AFM: variants seen among roughly 807,000 people sequenced by gnomAD.
AFM encodes alpha-Alb.
AFM carries 82 observed loss-of-function variants against 68.7 expected under a neutral mutation model. The ratio of observed to expected loss-of-function variants is 1.19; its 90% CI spans 1.00 to 1.43. The LOEUF (loss-of-function observed/expected upper bound fraction) is 1.43. Among genes scored for constraint, AFM ranks in the 40% most tolerant of loss-of-function variants. The pLI, the probability that AFM is intolerant of heterozygous loss-of-function variation, is 0.00. For missense variants in AFM, 772 were observed against 701.8 expected (o/e 1.10, Z -1.13); for synonymous variants, 250 against 234.2 (o/e 1.07, Z -0.61).
At chr4:73,502,447 A>G (rs1480530723) in intron 13 of AFM, among the ~76,000 whole-genome samples, 1 of 152,076 alleles carries the variant, frequency 6.6e-6, no homozygotes, top group Non-Finnish European at 1.5e-5. Context: ...AGTCAGGGAG[A>G]AAAGGGAGAA....
At chr4:73,498,393 C>G (rs1234012419) in intron 10 of AFM, among the ~76,000 whole-genome samples, 1 of 152,138 alleles carries the variant, frequency 6.6e-6, no homozygotes, top group Non-Finnish European at 1.5e-5. Flanking sequence ...TCCAGTGATC[C>G]TCCCACGTCA....
intron 5 of AFM, 135 bp downstream of exon 5, chr4:73,487,234 C>A: frequency 1.1e-6 from 1 of 929,398 alleles, no homozygotes; most frequent in Non-Finnish European, 1.6e-6. Flanking sequence ...GATTTTCAAA[C>A]CATTGGTCAC....
chr4:73,496,245 CATTA>C (rs1386808890), intron 9 of AFM, among the ~76,000 whole-genome samples: 1 of 152,124 alleles, frequency 6.6e-6, no homozygotes, highest in Non-Finnish European at 1.5e-5. Flanking sequence ...CTTTTTACGT[CATTA>C]AACAGACTTG....
At chr4:73,495,179 G>C (rs1230652480) in intron 8 of AFM, 121 bp from the exon 9 acceptor site, 1 of 898,854 alleles carries the variant, frequency 1.1e-6, no homozygotes, top group Non-Finnish European at 1.6e-6. Flanking sequence ...GACCAAGACA[G>C]AGGAGAAAAT....
intron 9 of AFM, among the ~76,000 whole-genome samples, chr4:73,496,120 C>T (rs1721246428): frequency 6.6e-6 from 1 of 152,260 alleles, no homozygotes; most frequent in South Asian, 2.1e-4. Flanking sequence ...TTTATTCTCT[C>T]ACAAGAGGCC....
At position 73,499,203 on chromosome 4, in the gene AFM, C is replaced by T. The variant is rs772553571; in HGVS notation, c.1379C>T (p.Thr460Ile). The T allele has an allele frequency of 6.2e-7, 1 of 1,612,582 alleles. No individual in the cohort carries two copies. Among genetic ancestry groups the T allele is most frequent in the South Asian group, 1.1e-5 (1 of 90,918 alleles). Residue 460 changes from threonine (T) to isoleucine (I), a missense_variant, in exon 11 of 15, where the codon ACT becomes ATT. Physicochemically the swap from Thr to Ile is moderately conservative, Grantham distance 89. Coordinates refer to ENST00000226355, the MANE Select transcript of AFM (RefSeq NM_001133.2). ...GAGAAAATGGTGACAGCTTTCACTA[C>T]TTGCTGTACGCTAAGTGAAGAGTTT... Reference protein sequence around the residue: ...LGEKMVTAFTTCCTLSEEFAC... With the variant: ...LGEKMVTAFTICCTLSEEFAC...
At chr4:73,498,785 T>A (rs1721331452) in intron 10 of AFM, among the ~76,000 whole-genome samples, 1 of 152,186 alleles carries the variant, frequency 6.6e-6, no homozygotes, top group African/African-American at 2.4e-5. Context: ...TATTTTCTAA[T>A]GATGTAAATT....
At chr4:73,489,444 G>A (rs1721006555) in intron 7 of AFM, among the ~76,000 whole-genome samples, 1 of 152,020 alleles carries the variant, frequency 6.6e-6, no homozygotes, top group Non-Finnish European at 1.5e-5. Flanking sequence ...ACACATTGTG[G>A]AATGTCTAAA....
At chr4:73,503,312 G>A (rs899386725) in intron 14 of AFM, among the ~76,000 whole-genome samples, 9 of 152,092 alleles carry the variant, frequency 5.9e-5, no homozygotes, top group Non-Finnish European at 8.8e-5. Context: ...TGCTGCATTT[G>A]TGCTTGCCCT....
intron 8 of AFM, among the ~76,000 whole-genome samples, chr4:73,494,533 T>G (rs748161706): frequency 6.6e-6 from 1 of 152,184 alleles, no homozygotes; most frequent in Non-Finnish European, 1.5e-5. Flanking sequence ...TATCTTCCAT[T>G]GATAGGAAGG....
At chr4:73,484,432 C>T in intron 3 of AFM, 42 bp downstream of exon 3, 1 of 1,270,908 alleles carries the variant, frequency 7.9e-7, no homozygotes, top group Non-Finnish European at 1.0e-6. Flanking sequence ...TATCTTATGT[C>T]TTTCTTTCTC....
chr4:73,488,885 T>C (rs1274752726), intron 7 of AFM, 126 bp downstream of exon 7: 22 of 926,416 alleles, frequency 2.4e-5, no homozygotes, highest in Non-Finnish European at 3.2e-5. Flanking sequence ...AACTTTTGAA[T>C]GAAAGCATAA....
In AFM at chr4:73,492,096, C is replaced by T; in HGVS notation, c.1058+10C>T. ...ACACCTTCTTTGCGAAGTAATATAA[C>T]TCTTTATTGAATTTATAAGGGAAAC... On this transcript the variant is annotated intron_variant, in intron 8 of 14. Transcript: ENST00000226355. 6.3e-7 allele frequency: 1 copy of T among 1,588,866 alleles called. No individual in the cohort carries two copies. The highest frequency in any genetic ancestry group is 8.5e-7 in the Non-Finnish European group (1 of 1,170,688).
Position 73,487,080 on chromosome 4 carries a change from TCAACTGC to T in AFM, c.598_604del (p.Asn200PhefsTer12). The T allele has an allele frequency of 6.2e-7, 1 of 1,613,960 alleles. No individual in the cohort carries two copies. Among genetic ancestry groups the T allele is most frequent in the Admixed American group, 1.7e-5 (1 of 59,998 alleles). ...TCATGTTGTGAAGAACAAAACAAAG[TCAACTGC>T]CTTCAAACAAGGGTGGGTATAGCAT... On this transcript the variant is annotated frameshift_variant, in exon 5 of 15. Coordinates refer to ENST00000226355, the MANE Select transcript of AFM (RefSeq NM_001133.2). LOFTEE classifies it high-confidence loss of function.
intron 12 of AFM, among the ~76,000 whole-genome samples, chr4:73,501,528 G>A (rs189296681): frequency 5.3e-5 from 8 of 151,958 alleles, no homozygotes; most frequent in African/African-American, 1.2e-4. Flanking sequence ...CCAACTTCTC[G>A]TCATCCCTCT....
intron 12 of AFM, among the ~76,000 whole-genome samples, chr4:73,501,345 G>T (rs1721416855): frequency 6.6e-6 from 1 of 152,034 alleles, no homozygotes; most frequent in Non-Finnish European, 1.5e-5. Context: ...AGGGTAATTG[G>T]AATGTCCATC....
intron 5 of AFM, 47 bp from the exon 6 acceptor site, chr4:73,487,677 G>A (rs781012801): frequency 1.6e-6 from 2 of 1,268,784 alleles, no homozygotes; most frequent in South Asian, 1.3e-5. Flanking sequence ...TAAGAGAATA[G>A]TGAGATTTTG....
At chr4:73,484,487 T>TTTCC (rs1560408102) in intron 3 of AFM, 97 bp downstream of exon 3, 2 of 766,126 alleles carry the variant, frequency 2.6e-6, no homozygotes, top group African/African-American at 1.9e-5. Context: ...TCTTTCTTTC[T>TTTCC]TTCTTTCTTT....
chr4:73,487,222 G>T, intron 5 of AFM, 123 bp downstream of exon 5: 1 of 1,080,492 alleles, frequency 9.3e-7, no homozygotes, highest in Non-Finnish European at 1.3e-6. Context: ...GTCACATTCA[G>T]TGATTTTCAA....
Sources: gnomAD v4.1 joint callset for allele counts (sites outside exome capture counted in the v4.1 genomes callset) on GRCh38, gnomAD v4.1.1 for gene constraint, MANE v1.5 for transcripts, NCBI Gene and HGNC (gene_info 2026-07-23, HGNC 2026-07-21) for gene names.